The following TECPR1 variants were observed in gnomAD, a reference collection of about 807,000 sequenced individuals.
TECPR1 encodes tectonin beta-propeller repeat containing 1.
TECPR1 carries 122 observed loss-of-function variants against 162.4 expected under a neutral mutation model. The observed-to-expected ratio is 0.75, with a 90% CI of 0.65 to 0.87. TECPR1 has a LOEUF of 0.87. Ranked by LOEUF, TECPR1 falls within the 40% of genes least tolerant of loss-of-function variation. The probability of loss-of-function intolerance (pLI) is 0.00; values close to 1 mark genes in which losing one functional copy is unlikely to be tolerated. For synonymous variants in TECPR1, 642 were observed against 670.6 expected, an observed-to-expected ratio of 0.96 and a Z score of 0.66; for missense variants, 1,432 against 1,618.2, an observed-to-expected ratio of 0.88 and a Z score of 1.97.
At chr7:98,221,450 T>A (rs973146207) in intron 23 of TECPR1, among the ~76,000 whole-genome samples, 2 of 151,486 alleles carry the variant, frequency 1.3e-5, no homozygotes, top group Non-Finnish European at 2.9e-5. Context: ...CCCATAAATA[T>A]ACACACCCAC....
chr7:98,232,874 T>C lies in TECPR1; in HGVS notation c.1771A>G (p.Lys591Glu). Residue 591 changes from lysine (K) to glutamate (E), a missense_variant, in exon 12 of 26, where the codon AAG becomes GAG. Coordinates refer to ENST00000447648, the MANE Select transcript of TECPR1 (RefSeq NM_015395.3). This position sits in a 1 kb window ranked among gnomAD's most constrained non-coding sequence, Gnocchi z 4.6. ...QIFQQLTERT[K>E]RELENFRHYE... ...TGTCTGAAGTTCTCCAGCTCCCGCT[T>C]GGTCCTTTCCGTGAGCTGCTGGAAG... 6.2e-7 allele frequency: 1 copy of C among 1,612,786 alleles called. No individual in the cohort carries two copies. The highest frequency in any genetic ancestry group is 8.5e-7 in the Non-Finnish European group (1 of 1,179,784).
Position 98,232,944 on chromosome 7 carries a change from G to A in TECPR1, c.1701C>T (p.Ser567=). Residue 567 remains serine, a synonymous_variant, in exon 12 of 26, where the codon TCC becomes TCT. Coordinates refer to ENST00000447648, the MANE Select transcript of TECPR1 (RefSeq NM_015395.3). The surrounding 1 kb of genome is among the most constrained non-coding windows in gnomAD (Gnocchi z 4.6). ...AGLSSSVHML[S]LSITPAQTAA... is the part of the protein sequence containing the mutation. ...CGGTCTGGGCCGGCGTGATGGACAG[G>A]GACAGCATGTGTACCGAGGAGGACA... The A allele has an allele frequency of 1.2e-6, 2 of 1,612,450 alleles. No homozygotes were observed. The highest frequency in any genetic ancestry group is 8.5e-7 in the Non-Finnish European group (1 of 1,179,756).
chr7:98,226,068 TTG>T (rs1798273279), intron 17 of TECPR1, among the ~76,000 whole-genome samples: 1 of 152,092 alleles, frequency 6.6e-6, no homozygotes, highest in Admixed American at 6.6e-5. Flanking sequence ...GGGCACGCAT[TTG>T]TGTTGACCAG....
At chr7:98,244,243 C>T (rs1464381271) in intron 5 of TECPR1, among the ~76,000 whole-genome samples, 3 of 152,158 alleles carry the variant, frequency 2.0e-5, no homozygotes, top group Admixed American at 6.5e-5. Context: ...CATGGAGCAA[C>T]GCTAGAGCCA....
rs79279492 is a variant in TECPR1, at chr7:98,224,703, G to A, written c.2690+98C>T. On this transcript the variant is annotated intron_variant, in intron 19 of 25. Transcript: ENST00000447648. Reference sequence around the variant, plus strand: ...GCTCCTTGGCCAGGCCTAGGGGGCAGGGTTCAGCCTGGAAGAGCAGTGAGG... The same window carrying A: ...GCTCCTTGGCCAGGCCTAGGGGGCAAGGTTCAGCCTGGAAGAGCAGTGAGG... The A allele has an allele frequency of 1.3e-3, 1,522 of 1,211,556 alleles. 20 individuals are homozygous for A. In the African/African-American group the frequency reaches 0.021, roughly 17 times the overall value. 75.1% of individuals were successfully genotyped at this position (1,211,556 alleles called of 1,614,324 possible). A position where few individuals can be genotyped will look rare whatever the true frequency, so the allele number is the denominator to read the frequency against.
chr7:98,234,009 G>A, intron 10 of TECPR1, 98 bp from the exon 11 acceptor site: 1 of 1,423,668 alleles, frequency 7.0e-7, no homozygotes, highest in Non-Finnish European at 9.3e-7. Flanking sequence ...ACTGCCTGTG[G>A]AAACTTGGGC....
intron 2 of TECPR1, among the ~76,000 whole-genome samples, chr7:98,247,556 GC>G (rs1392268374): frequency 3.3e-5 from 5 of 152,086 alleles, no homozygotes; most frequent in African/African-American, 9.6e-5. Flanking sequence ...AGGTCTCCCC[GC>G]CATGTTGGCC....
At chr7:98,227,821 CAAAAAAAA>C (rs61468739) in intron 17 of TECPR1, among the ~76,000 whole-genome samples, 185 bp downstream of exon 17, 1 of 102,604 alleles carries the variant, frequency 9.7e-6, no homozygotes, top group African/African-American at 3.9e-5. Flanking sequence ...GACCCTGTAT[CAAAAAAAA>C]AAAAAAAAAA....
chr7:98,251,881 G>A (rs1178371928), intron 1 of TECPR1: 1 of 152,316 alleles, frequency 6.6e-6, no homozygotes, highest in Non-Finnish European at 1.5e-5. Flanking sequence ...CCAGTCCAAA[G>A]GCTGGAATGG....
At position 98,218,019 on chromosome 7, in the gene TECPR1, T is replaced by C. The variant is rs1469669989; in HGVS notation, c.3181A>G (p.Ile1061Val). The C allele has an allele frequency of 6.4e-7, 1 of 1,566,838 alleles. No individual in the cohort carries two copies. Among genetic ancestry groups the C allele is most frequent in the African/African-American group, 1.4e-5 (1 of 73,712 alleles). ...ENGNLWYRQG[I>V]TPSYPQGSSW... ...GAGCCCTGCGGGTAGCTGGGCGTGA[T>C]CCCTTGGCGATACCACAGGTTTCCT... Residue 1061 changes from isoleucine (I) to valine (V), a missense_variant, in exon 24 of 26, where the codon ATC becomes GTC. By Grantham distance (29) the Ile-to-Val change is conservative. Coordinates refer to ENST00000447648, the MANE Select transcript of TECPR1 (RefSeq NM_015395.3).
chr7:98,233,470 G>C lies in TECPR1; in HGVS notation c.1623C>G (p.Gly541=). 6.8e-7 allele frequency: 1 copy of C among 1,480,952 alleles called. No homozygotes were observed. The highest frequency in any genetic ancestry group is 8.9e-7 in the Non-Finnish European group (1 of 1,117,700). 91.7% of individuals were successfully genotyped at this position (1,480,952 alleles called of 1,614,324 possible). A position where few individuals can be genotyped will look rare whatever the true frequency, so the allele number is the denominator to read the frequency against. ...GCATGGCACATGCCTCCACCACGCA[G>C]CCGCCTCCCGACACCCAGGCCCACA... The part of the protein sequence containing the change: ...HPLWAWVSGG[G]CVVEACAMPR... The change falls in exon 11 of 26, where the codon GGC becomes GGG. Residue 541 remains glycine (G), a synonymous_variant. Coordinates refer to ENST00000447648, the MANE Select transcript of TECPR1 (RefSeq NM_015395.3).
intron 1 of TECPR1, chr7:98,251,809 G>A (rs1799069387): frequency 6.6e-6 from 1 of 152,284 alleles, no homozygotes; most frequent in Non-Finnish European, 1.5e-5. Flanking sequence ...GGGATAGGCA[G>A]GCCCCTTGCT....
Position 98,232,677 on chromosome 7 carries a change from T to C in TECPR1, c.1818+150A>G. The C allele has an allele frequency of 9.2e-7, 1 of 1,083,822 alleles. No individual in the cohort carries two copies. Among genetic ancestry groups the C allele is most frequent in the East Asian group, 2.8e-5 (1 of 35,870 alleles). The allele number at this position is 1,083,822 out of a possible 1,614,324, so 67.1% of individuals were successfully genotyped here. A position where few individuals can be genotyped will look rare whatever the true frequency, so the allele number is the denominator to read the frequency against. On this transcript the variant is annotated intron_variant, in intron 12 of 25. Coordinates refer to ENST00000447648, the MANE Select transcript of TECPR1 (RefSeq NM_015395.3). This position sits in a 1 kb window ranked among gnomAD's most constrained non-coding sequence, Gnocchi z 4.6. The stretch of plus-strand genomic sequence containing the variant: ...GTCTTCAGGATGGACGAAGAAACCC[T>C]GAGCTCATTTCTCTATGCCTGCATC...
rs758783178 is a variant in TECPR1 at position 98,233,482 on chromosome 7, C to T, written c.1611G>A (p.Val537=). 2.3e-5 allele frequency: 34 copies of T among 1,490,930 alleles called. No individual in the cohort carries two copies. The East Asian group carries it at 7.6e-4, about 33-fold the overall frequency. 92.4% of individuals were successfully genotyped at this position (1,490,930 alleles called of 1,614,324 possible). The part of the protein sequence containing the change: ...GVDDHPLWAW[V]SGGGCVVEAC... ...CCTCCACCACGCAGCCGCCTCCCGA[C>T]ACCCAGGCCCACAGCGGGTGGTCAT... Residue 537 remains valine, a synonymous_variant, in exon 11 of 26, where the codon GTG becomes GTA. Transcript: ENST00000447648.
At chr7:98,228,768 A>G in intron 16 of TECPR1, 1 of 379,590 alleles carries the variant, frequency 2.6e-6, no homozygotes, top group Non-Finnish European at 4.8e-6. Flanking sequence ...TGAAGGAGGA[A>G]CCCACCTAAC....
At chr7:98,238,167 T>G (rs897307653) in intron 9 of TECPR1, among the ~76,000 whole-genome samples, 5 of 152,202 alleles carry the variant, frequency 3.3e-5, no homozygotes, top group African/African-American at 9.7e-5. Context: ...ACTCTCTGCC[T>G]TTGGGCAAGA....
chr7:98,246,795 CT>C (rs1798923287), intron 2 of TECPR1, among the ~76,000 whole-genome samples: 1 of 151,656 alleles, frequency 6.6e-6, no homozygotes, highest in Non-Finnish European at 1.5e-5. Flanking sequence ...GTTGGACAGG[CT>C]GGTCTCGAAC....
intron 19 of TECPR1, 100 bp downstream of exon 19, chr7:98,224,701 C>T: frequency 8.4e-7 from 1 of 1,191,148 alleles, no homozygotes; most frequent in Non-Finnish European, 1.2e-6. Flanking sequence ...GCCTAGGGGG[C>T]AGGGTTCAGC....
chr7:98,215,265 C>T lies in TECPR1; in HGVS notation c.*2125G>A, dbSNP rs1237047921. ...CCCACCAGTGGAGAAGCCAGAACCGCGATTGTTGCATCTGGGAAAACCCAG... is the reference window on the plus strand; with the variant it reads ...CCCACCAGTGGAGAAGCCAGAACCGTGATTGTTGCATCTGGGAAAACCCAG... On this transcript the variant is annotated 3_prime_UTR_variant, in exon 26 of 26. Transcript: ENST00000447648. 2.0e-5 allele frequency: 3 copies of T among 152,252 alleles called. No individual in the cohort carries two copies. The highest frequency in any genetic ancestry group is 3.8e-4 in the East Asian group (2 of 5,200). 9.4% of individuals were successfully genotyped at this position (152,252 alleles called of 1,614,324 possible).
Sources: gnomAD v4.1 joint callset for allele counts (sites outside exome capture counted in the v4.1 genomes callset) on GRCh38, gnomAD v4.1.1 for gene constraint, Gnocchi (gnomAD v3.1) non-coding constraint, MANE v1.5 for transcripts, NCBI Gene and HGNC (gene_info 2026-07-23, HGNC 2026-07-21) for gene names.